Variants in MEI4 observed in about 807,000 individuals in gnomAD.
The protein encoded by MEI4 is meiosis-specific protein MEI4.
A neutral mutation model predicts 31.4 loss-of-function variants in MEI4; 27 were observed. The observed-to-expected ratio is 0.86, with a 90% CI of 0.63 to 1.19. The LOEUF is 1.19. MEI4 is among the 50% of genes most tolerant of loss of function. MEI4 has a pLI of 0.00. For missense variants in MEI4, 329 were observed against 398.9 expected, an observed-to-expected ratio of 0.82 and a Z score of 1.49; for synonymous variants, 122 against 145.4, an observed-to-expected ratio of 0.84 and a Z score of 1.16.
At chr6:77,909,561 A>G (rs1008541735) in intron 4 of MEI4, among the ~76,000 whole-genome samples, 31 of 152,170 alleles carry the variant, frequency 2.0e-4, no homozygotes, top group African/African-American at 7.0e-4. Flanking sequence ...TTGAGGCAAT[A>G]TTTAATAGCT....
At chr6:77,806,389 T>C (rs1769437133) in intron 3 of MEI4, among the ~76,000 whole-genome samples, 1 of 152,138 alleles carries the variant, frequency 6.6e-6, no homozygotes, top group Admixed American at 6.6e-5. Context: ...GGTTACAGGT[T>C]AGCACATGCA....
At chr6:77,739,580 G>T (rs1484521136) in intron 2 of MEI4, among the ~76,000 whole-genome samples, 3 of 152,052 alleles carry the variant, frequency 2.0e-5, no homozygotes, top group Non-Finnish European at 2.9e-5. Flanking sequence ...AGGGGGTGGG[G>T]AGCAAGGGGA....
chr6:77,698,203 G>C (rs770964470), intron 2 of MEI4, among the ~76,000 whole-genome samples: 11 of 152,104 alleles, frequency 7.2e-5, no homozygotes, highest in Non-Finnish European at 1.5e-4. Flanking sequence ...ACACTGATGG[G>C]TCTTGACTTC....
At chr6:77,800,603 A>T (rs1462192751) in intron 3 of MEI4, among the ~76,000 whole-genome samples, 1 of 152,302 alleles carries the variant, frequency 6.6e-6, no homozygotes, top group East Asian at 1.9e-4. Flanking sequence ...GTTTTTGCCC[A>T]TTCAGTATGA....
intron 4 of MEI4, among the ~76,000 whole-genome samples, chr6:77,882,290 C>A (rs183596626): frequency 6.6e-6 from 1 of 152,310 alleles, no homozygotes; most frequent in East Asian, 1.9e-4. Context: ...CCTGGTGTTT[C>A]ACAGAATTAT....
chr6:77,737,399 AGTT>A (rs763292994), intron 2 of MEI4, among the ~76,000 whole-genome samples: 4 of 152,128 alleles, frequency 2.6e-5, no homozygotes, highest in African/African-American at 4.8e-5. Flanking sequence ...AAAGATTTTT[AGTT>A]GTTCTGAAAT....
At chr6:77,838,233 G>A (rs1485385098) in intron 4 of MEI4, among the ~76,000 whole-genome samples, 3 of 151,284 alleles carry the variant, frequency 2.0e-5, no homozygotes, top group Non-Finnish European at 3.0e-5. Context: ...AGACAGGTCT[G>A]GGTAACCAGA....
chr6:77,772,320 C>T (rs1478454229), intron 3 of MEI4, among the ~76,000 whole-genome samples: 2 of 149,536 alleles, frequency 1.3e-5, no homozygotes, highest in East Asian at 3.9e-4. Flanking sequence ...AAATCCTCAA[C>T]AAAAATCTAG....
intron 4 of MEI4, among the ~76,000 whole-genome samples, chr6:77,838,059 C>T (rs757401284): frequency 6.6e-6 from 1 of 152,050 alleles, no homozygotes; most frequent in African/African-American, 2.4e-5. Flanking sequence ...TTGCTGTTAG[C>T]TGATATTATT....
chr6:77,687,383 A>G (rs1280536719), intron 1 of MEI4, among the ~76,000 whole-genome samples: 2 of 152,156 alleles, frequency 1.3e-5, no homozygotes. Flanking sequence ...CCTCAGTGAA[A>G]CAGAGAATAT....
chr6:77,708,394 C>G (rs1363853966), intron 2 of MEI4, among the ~76,000 whole-genome samples: 5 of 152,188 alleles, frequency 3.3e-5, no homozygotes, highest in African/African-American at 1.2e-4. Context: ...AAGTAAATAA[C>G]TTACTTTTGA....
chr6:77,913,770 C>G (rs1766482081), intron 4 of MEI4, among the ~76,000 whole-genome samples: 1 of 150,500 alleles, frequency 6.6e-6, no homozygotes, highest in Non-Finnish European at 1.5e-5. Flanking sequence ...CACGGTGGCT[C>G]ACTCCTGTAA....
intron 2 of MEI4, chr6:77,716,729 G>A (rs1766589483): frequency 4.7e-6 from 1 of 213,754 alleles, no homozygotes; most frequent in Admixed American, 6.5e-5. Flanking sequence ...TAAACCAAGT[G>A]AAGAGAATGT....
chr6:77,745,491 A>G (rs552309488), intron 2 of MEI4, among the ~76,000 whole-genome samples: 1 of 152,322 alleles, frequency 6.6e-6, no homozygotes, highest in East Asian at 1.9e-4. Flanking sequence ...TAACCTACAT[A>G]GAGACTTAGA....
At chr6:77,911,002 T>C (rs1422119381) in intron 4 of MEI4, among the ~76,000 whole-genome samples, 1 of 151,734 alleles carries the variant, frequency 6.6e-6, no homozygotes. Context: ...AGTTTTTATT[T>C]GCATTTCCCT....
intron 4 of MEI4, among the ~76,000 whole-genome samples, chr6:77,865,429 C>T (rs1034316732): frequency 1.3e-5 from 2 of 152,106 alleles, no homozygotes; most frequent in Admixed American, 6.6e-5. Flanking sequence ...TTCAAACTAC[C>T]ATCAGAGAAT....
intron 2 of MEI4, among the ~76,000 whole-genome samples, chr6:77,730,121 C>T (rs1034696465): frequency 1.3e-5 from 2 of 151,802 alleles, no homozygotes; most frequent in South Asian, 2.1e-4. Context: ...TGTGAGATCT[C>T]AATGGGAAAG....
chr6:77,803,243 C>G (rs1281107106), intron 3 of MEI4, among the ~76,000 whole-genome samples: 1 of 152,180 alleles, frequency 6.6e-6, no homozygotes, highest in Non-Finnish European at 1.5e-5. Context: ...CACTGATACC[C>G]TTTCTTCCAG....
At chr6:77,881,996 C>T (rs575945629) in intron 4 of MEI4, among the ~76,000 whole-genome samples, 2 of 152,176 alleles carry the variant, frequency 1.3e-5, no homozygotes, top group South Asian at 2.1e-4. Context: ...GGTGAGATTG[C>T]GCTCACTTCA....
Sources: gnomAD v4.1 joint callset for allele counts (sites outside exome capture counted in the v4.1 genomes callset) on GRCh38, gnomAD v4.1.1 for gene constraint, MANE v1.5 for transcripts, NCBI Gene and HGNC (gene_info 2026-07-23, HGNC 2026-07-21) for gene names.